The following GPC6 variants were observed in gnomAD, a reference collection of about 807,000 sequenced individuals.
GPC6 encodes glypican 6.
A neutral mutation model predicts 55.2 loss-of-function variants in GPC6; 14 were observed. That is an observed-to-expected ratio of 0.25 (90% CI 0.17 to 0.40). The LOEUF (loss-of-function observed/expected upper bound fraction) is 0.40, where lower values mean the gene tolerates loss of function less well. GPC6 is among the 10% of genes least tolerant of loss of function. GPC6 has a pLI of 1.00. For missense variants in GPC6, 641 were observed against 708.5 expected, an observed-to-expected ratio of 0.90 and a Z score of 1.08; for synonymous variants, 278 against 259.6, an observed-to-expected ratio of 1.07 and a Z score of -0.68.
chr13:93,231,334 T>TATATATATATATAC (rs1566533194), intron 1 of GPC6, among the ~76,000 whole-genome samples: 4 of 55,390 alleles, frequency 7.2e-5, no homozygotes, highest in African/African-American at 4.2e-4. Context: ...TATATACGTA[T>TATATATATATATAC]ATATATATAT....
At chr13:93,646,567 C>G (rs1880181903) in intron 2 of GPC6, among the ~76,000 whole-genome samples, 1 of 151,970 alleles carries the variant, frequency 6.6e-6, no homozygotes, top group African/African-American at 2.4e-5. Flanking sequence ...ATATGTCCCC[C>G]CAGCAATTTT....
chr13:93,254,463 A>G (rs1470499753), intron 1 of GPC6, among the ~76,000 whole-genome samples: 1 of 152,192 alleles, frequency 6.6e-6, no homozygotes, highest in Non-Finnish European at 1.5e-5. Context: ...GCCATAGGTG[A>G]CTAAATAGAA....
intron 1 of GPC6, among the ~76,000 whole-genome samples, chr13:93,492,402 C>G (rs1166835561): frequency 2.7e-5 from 4 of 148,234 alleles, no homozygotes; most frequent in African/African-American, 1.0e-4. Context: ...AGTTGCTTAT[C>G]AGCTTAAGGA....
intron 1 of GPC6, among the ~76,000 whole-genome samples, chr13:93,437,504 T>C (rs1594168832): frequency 6.6e-6 from 1 of 152,220 alleles, no homozygotes; most frequent in South Asian, 2.1e-4. Flanking sequence ...ATTGCTGATA[T>C]GTAGAAGGTT....
intron 4 of GPC6, among the ~76,000 whole-genome samples, chr13:94,044,502 G>A (rs1469002843): frequency 1.3e-5 from 2 of 151,852 alleles, no homozygotes; most frequent in African/African-American, 4.8e-5. Context: ...ACTAATAGCT[G>A]TGTAGTACTT....
At chr13:94,397,781 G>A (rs1013882118) in intron 7 of GPC6, among the ~76,000 whole-genome samples, 24 of 152,182 alleles carry the variant, frequency 1.6e-4, no homozygotes, top group Non-Finnish European at 7.3e-5. Context: ...GATGGAGGGA[G>A]GAAAGAGTCA....
chr13:94,038,480 G>T (rs1883417051), intron 4 of GPC6, among the ~76,000 whole-genome samples: 1 of 151,976 alleles, frequency 6.6e-6, no homozygotes, highest in South Asian at 2.1e-4. Flanking sequence ...AGTGGGCTTT[G>T]GTTAAATGTA....
Position 93,485,081 on chromosome 13 carries a change from C to A in GPC6, c.161-60182C>A, listed in dbSNP as rs1287292089. The stretch of plus-strand genomic sequence containing the variant: ...AACACAAAGAAGGGGCAGTTAGCCC[C>A]CCCTGGAGATGTTCTATCTGGAGAA... On this transcript the variant is annotated intron_variant, in intron 1 of 8. Coordinates refer to ENST00000377047, the MANE Select transcript of GPC6 (RefSeq NM_005708.5). Among the ~76,000 whole-genome samples, 8 of 152,114 alleles carry A rather than the reference C, an allele frequency of 5.3e-5. No individual in the cohort carries two copies. In the East Asian group the frequency reaches 1.3e-3, roughly 26 times the overall value.
intron 2 of GPC6, among the ~76,000 whole-genome samples, chr13:93,665,848 C>G (rs1226273753): frequency 6.6e-6 from 1 of 152,138 alleles, no homozygotes; most frequent in Non-Finnish European, 1.5e-5. Flanking sequence ...GACTGAGCCA[C>G]TTTAATGATA....
intron 6 of GPC6, among the ~76,000 whole-genome samples, chr13:94,322,521 G>C (rs991498374): frequency 6.6e-6 from 1 of 152,094 alleles, no homozygotes; most frequent in African/African-American, 2.4e-5. Context: ...TGCTATTGTG[G>C]AATATTATGC....
intron 1 of GPC6, among the ~76,000 whole-genome samples, chr13:93,293,538 A>C (rs535404895): frequency 7.2e-5 from 11 of 152,102 alleles, no homozygotes; most frequent in East Asian, 5.8e-4. Context: ...AGTAATGGAC[A>C]ATTTCTAATA....
intron 1 of GPC6, among the ~76,000 whole-genome samples, chr13:93,307,874 A>G (rs536653544): frequency 2.6e-5 from 4 of 152,358 alleles, no homozygotes; most frequent in African/African-American, 7.2e-5. Context: ...AAGTTAAAGC[A>G]TATGTTAATT....
intron 4 of GPC6, among the ~76,000 whole-genome samples, chr13:94,170,347 T>C (rs547536715): frequency 6.6e-6 from 1 of 152,336 alleles, no homozygotes; most frequent in African/African-American, 2.4e-5. Flanking sequence ...TAACTTGGGC[T>C]TTCTGAAAGT....
chr13:93,336,951 G>A (rs1018514391), intron 1 of GPC6, among the ~76,000 whole-genome samples: 2 of 152,096 alleles, frequency 1.3e-5, no homozygotes, highest in Non-Finnish European at 2.9e-5. Flanking sequence ...TGCTGTCAAA[G>A]CTCCTTCAAT....
Position 94,040,962 on chromosome 13 carries a change from C to A in GPC6, c.877+13068C>A, listed in dbSNP as rs112514901. 5.0e-3 allele frequency among the ~76,000 whole-genome samples: 763 copies of A among 151,916 alleles called. 5 individuals are homozygous for A. Among genetic ancestry groups the A allele is most frequent in the African/African-American group, 0.018 (731 of 41,492 alleles). On this transcript the variant is annotated intron_variant, in intron 4 of 8. Coordinates refer to ENST00000377047, the MANE Select transcript of GPC6 (RefSeq NM_005708.5). ...AATTGATAGATATTAAAATCCATTT[C>A]TTCTAAGTGCCTCACAATTGAAAAA...
At chr13:93,760,138 A>C (rs1175373341) in intron 2 of GPC6, among the ~76,000 whole-genome samples, 1 of 152,180 alleles carries the variant, frequency 6.6e-6, no homozygotes, top group South Asian at 2.1e-4. Context: ...GAAAGCTAAG[A>C]AATAGGTGGT....
intron 2 of GPC6, among the ~76,000 whole-genome samples, chr13:93,612,524 CACACACACACACACACACAA>C (rs1878523267): frequency 6.6e-6 from 1 of 151,908 alleles, no homozygotes; most frequent in Non-Finnish European, 1.5e-5. Context: ...CACACACACA[CACACACACACACACACACAA>C]ACTTCATGTG....
intron 4 of GPC6, among the ~76,000 whole-genome samples, chr13:94,176,112 C>T (rs990478895): frequency 6.6e-6 from 1 of 151,780 alleles, no homozygotes; most frequent in East Asian, 1.9e-4. Context: ...ATATATTGCA[C>T]GTATCTCCTC....
chr13:93,518,878 T>C (rs1405093579), intron 1 of GPC6, among the ~76,000 whole-genome samples: 1 of 152,038 alleles, frequency 6.6e-6, no homozygotes. Flanking sequence ...ACAGGATTTC[T>C]AGGCTAAACC....
Sources: gnomAD v4.1 joint callset for allele counts (sites outside exome capture counted in the v4.1 genomes callset) on GRCh38, gnomAD v4.1.1 for gene constraint, MANE v1.5 for transcripts, NCBI Gene and HGNC (gene_info 2026-07-23, HGNC 2026-07-21) for gene names.